The following COPA variants were observed in gnomAD, a reference collection of about 807,000 sequenced individuals.
The protein encoded by COPA is coat protein complex I subunit alpha.
In COPA, 10 loss-of-function variants were observed where a neutral mutation model predicts 158.7. The observed-to-expected ratio is 0.06, with a 90% confidence interval of 0.04 to 0.11. The LOEUF is 0.11. Among genes scored for constraint, COPA ranks in the 10% least tolerant of loss-of-function variants. The pLI is 1.00. For missense variants in COPA, 1,065 were observed against 1,536.7 expected (o/e 0.69, Z 5.13); for synonymous variants, 462 against 542.8 (o/e 0.85, Z 2.07).
rs868663668 is a variant in COPA at position 160,318,551 on chromosome 1, A to C, written c.707-4426T>G. On this transcript the variant is annotated intron_variant, in intron 8 of 32. Coordinates refer to ENST00000241704, the MANE Select transcript of COPA (RefSeq NM_004371.4). Reference sequence around the variant, plus strand: ...AAAACTTTTCAAGATATAAAACCCAAGATGTAAAATTAAGTTCATAGACAA... The same window carrying C: ...AAAACTTTTCAAGATATAAAACCCACGATGTAAAATTAAGTTCATAGACAA... 6.6e-5 allele frequency among the ~76,000 whole-genome samples: 10 copies of C among 150,698 alleles called. No individual in the cohort carries two copies. In the South Asian group the frequency reaches 2.1e-3, roughly 31 times the overall value.
chr1:160,304,010 G>T (rs1658699188), intron 17 of COPA, among the ~76,000 whole-genome samples: 1 of 151,912 alleles, frequency 6.6e-6, no homozygotes, highest in African/African-American at 2.4e-5. Flanking sequence ...GACAAGAAAG[G>T]AAATTTTTTG....
At chr1:160,327,640 C>G (rs1054350301) in intron 6 of COPA, among the ~76,000 whole-genome samples, 51 of 152,130 alleles carry the variant, frequency 3.4e-4, no homozygotes, top group African/African-American at 1.2e-3. Context: ...GGTGGAACAA[C>G]TGAGGTCAGG....
Position 160,293,198 on chromosome 1 carries a change from T to C in COPA, c.2791A>G (p.Ile931Val), listed in dbSNP as rs372660936. 2.3e-5 allele frequency: 37 copies of C among 1,614,048 alleles called. No homozygotes were observed. Among genetic ancestry groups the C allele is most frequent in the Middle Eastern group, 1.6e-4 (1 of 6,084 alleles). Residue 931 changes from isoleucine (I) to valine (V), a missense_variant, in exon 27 of 33, where the codon ATC becomes GTC. By Grantham distance (29) the Ile-to-Val change is conservative. Coordinates refer to ENST00000241704, the MANE Select transcript of COPA (RefSeq NM_004371.4). ...CNNSQLPVDH[I>V]LAGSFETAMR... ...GCTGTTTCGAAAGAGCCTGCCAGGA[T>C]GTGATCAACTGGAAGCTGAGAGTTA...
At chr1:160,326,688 A>T (rs531645805) in intron 6 of COPA, among the ~76,000 whole-genome samples, 1 of 152,344 alleles carries the variant, frequency 6.6e-6, no homozygotes, top group South Asian at 2.1e-4. Flanking sequence ...AGCCATGTAA[A>T]AAGTGTACTC....
intron 17 of COPA, among the ~76,000 whole-genome samples, chr1:160,302,618 G>A (rs960976436): frequency 3.5e-5 from 5 of 142,712 alleles, no homozygotes; most frequent in Admixed American, 2.2e-4. Flanking sequence ...GCAGTGGCGC[G>A]ATCTCAGCTC....
chr1:160,343,241 C>G lies in COPA; in HGVS notation c.-71G>C. 1 of 1,601,072 alleles carries G rather than the reference C, an allele frequency of 6.2e-7. No individual in the cohort carries two copies. The highest frequency in any genetic ancestry group is 8.6e-7 in the Non-Finnish European group (1 of 1,168,042). On this transcript the variant is annotated 5_prime_UTR_variant, in exon 1 of 33. Coordinates refer to ENST00000241704, the MANE Select transcript of COPA (RefSeq NM_004371.4). ...CCCTGCTGCCCTTCGGACGCCTCCA[C>G]GTCAGCGACCCTCTCCCGCGGTTTC...
At chr1:160,325,063 ATC>A (rs1226758132) in intron 7 of COPA, among the ~76,000 whole-genome samples, 1 of 150,776 alleles carries the variant, frequency 6.6e-6, no homozygotes. Context: ...ATTTCTCTAA[ATC>A]TCTTTTTTTT....
intron 3 of COPA, among the ~76,000 whole-genome samples, chr1:160,336,968 T>A (rs75593102): frequency 0.021 from 3,239 of 152,310 alleles, 54 homozygotes; most frequent in Middle Eastern, 0.044. Context: ...GTAAGCATTA[T>A]GTATGGAAAT....
chr1:160,304,471 C>G (rs891342818), intron 17 of COPA, among the ~76,000 whole-genome samples: 2 of 151,768 alleles, frequency 1.3e-5, no homozygotes, highest in South Asian at 2.1e-4. Context: ...CAAAACCAGC[C>G]TGGCCAACAT....
chr1:160,307,307 G>T, intron 13 of COPA, 62 bp from the exon 14 acceptor site: 3 of 1,494,702 alleles, frequency 2.0e-6, no homozygotes, highest in South Asian at 2.3e-5. Context: ...TGACATAGTC[G>T]GGTGCCATGG....
At chr1:160,331,518 T>C (rs968778841) in intron 6 of COPA, among the ~76,000 whole-genome samples, 9 of 151,234 alleles carry the variant, frequency 6.0e-5, no homozygotes, top group African/African-American at 2.2e-4. Flanking sequence ...CTGTGCGTGG[T>C]GGCGTGCACC....
chr1:160,327,927 TAA>T (rs772149175), intron 6 of COPA, among the ~76,000 whole-genome samples: 1 of 152,198 alleles, frequency 6.6e-6, no homozygotes, highest in Non-Finnish European at 1.5e-5. Context: ...TATAAGAACT[TAA>T]GTTTAATAAC....
At chr1:160,331,970 G>C (rs145058831) in intron 6 of COPA, among the ~76,000 whole-genome samples, 26 of 151,882 alleles carry the variant, frequency 1.7e-4, no homozygotes, top group Non-Finnish European at 3.5e-4. Context: ...AAGGTATTCT[G>C]GACATAAAAG....
Position 160,343,240 on chromosome 1 carries a change from A to C in COPA, c.-70T>G. 1 of 1,602,858 alleles carries C rather than the reference A, an allele frequency of 6.2e-7. No individual in the cohort carries two copies. Among genetic ancestry groups the C allele is most frequent in the Non-Finnish European group, 8.5e-7 (1 of 1,169,828 alleles). On this transcript the variant is annotated 5_prime_UTR_variant, in exon 1 of 33. Coordinates refer to ENST00000241704, the MANE Select transcript of COPA (RefSeq NM_004371.4). ...ACCCTGCTGCCCTTCGGACGCCTCC[A>C]CGTCAGCGACCCTCTCCCGCGGTTT... is the stretch of plus-strand genomic sequence containing the variant.
chr1:160,305,383 A>G lies in COPA; in HGVS notation c.1667+50T>C. 2 of 1,574,994 alleles carry G rather than the reference A, an allele frequency of 1.3e-6. 1 individual carries two copies. Among genetic ancestry groups the G allele is most frequent in the East Asian group, 4.5e-5 (2 of 44,626 alleles). On this transcript the variant is annotated intron_variant, in intron 17 of 32. Transcript: ENST00000241704. The stretch of plus-strand genomic sequence containing the variant: ...AGTTACATCTCAAGACAAGACAGTG[A>G]TTTCAGGAAGCTGTCTTCTCCCATT...
rs1356396327 is a variant in COPA, at chr1:160,305,485, C to G, written c.1615G>C (p.Gly539Arg). Residue 539 changes from glycine to arginine, a missense_variant, in exon 17 of 33, where the codon GGG becomes CGG. Coordinates refer to ENST00000241704, the MANE Select transcript of COPA (RefSeq NM_004371.4). Reference sequence around the variant, plus strand: ...TTGCTTGTGGTATAGATAAATACCCCACTCTCATCCCAGGCCCCACTCTTG... The same window carrying G: ...TTGCTTGTGGTATAGATAAATACCCGACTCTCATCCCAGGCCCCACTCTTG... ...RVKSGAWDES[G>R]VFIYTTSNHI... The G allele has an allele frequency of 3.1e-6, 5 of 1,614,026 alleles. No individual in the cohort carries two copies. Among genetic ancestry groups the G allele is most frequent in the Non-Finnish European group, 4.2e-6 (5 of 1,180,036 alleles).
At chr1:160,319,059 A>C (rs1183021329) in intron 8 of COPA, among the ~76,000 whole-genome samples, 5 of 152,160 alleles carry the variant, frequency 3.3e-5, no homozygotes, top group African/African-American at 1.2e-4. Flanking sequence ...CTGAATGTAA[A>C]TGCTCTCAAT....
At chr1:160,337,503 C>T (rs1310099886) in intron 3 of COPA, among the ~76,000 whole-genome samples, 5 of 152,248 alleles carry the variant, frequency 3.3e-5, no homozygotes, top group Admixed American at 3.3e-4. Context: ...GAAGACGACC[C>T]GAGGTCGGGA....
At chr1:160,343,023 C>A in intron 1 of COPA, 108 bp downstream of exon 1, 1 of 1,339,788 alleles carries the variant, frequency 7.5e-7, no homozygotes, top group South Asian at 1.2e-5. Context: ...CCTCCGGGTC[C>A]GTCTGGTGGG....
Sources: allele counts gnomAD v4.1 joint callset (sites outside exome capture counted in the v4.1 genomes callset), GRCh38; gene constraint gnomAD v4.1.1; transcripts MANE v1.5; gene names NCBI Gene and HGNC (gene_info 2026-07-23, HGNC 2026-07-21).